KIF23: variants seen among roughly 807,000 people sequenced by gnomAD.
The protein encoded by KIF23 is kinesin-like protein KIF23.
A neutral mutation model predicts 137.5 loss-of-function variants in KIF23; 30 were observed. The observed-to-expected ratio is 0.22, with a 90% confidence interval of 0.16 to 0.30. The LOEUF (loss-of-function observed/expected upper bound fraction) is 0.30. Among genes scored for constraint, KIF23 ranks in the 10% least tolerant of loss-of-function variants. The probability of loss-of-function intolerance (pLI) is 1.00; values close to 1 mark genes in which losing one functional copy is unlikely to be tolerated. For missense variants in KIF23, 920 were observed against 1,194.3 expected, an observed-to-expected ratio of 0.77 and a Z score of 3.38; for synonymous variants, 367 against 391.1, an observed-to-expected ratio of 0.94 and a Z score of 0.73.
At chr15:69,435,008 C>T in intron 11 of KIF23, 2 of 601,736 alleles carry the variant, frequency 3.3e-6, no homozygotes, top group Non-Finnish European at 5.9e-6. Context: ...CGGACTCGCT[C>T]AACACCGCGT....
rs551411066 is a variant in KIF23, at chr15:69,445,112, C to T, written c.2673+71C>T. On this transcript the variant is annotated intron_variant, in intron 20 of 23. Coordinates refer to ENST00000679126, the MANE Select transcript of KIF23 (RefSeq NM_001367805.3). ...CAACAAAAGTCCATTTGTCCTGCTA[C>T]TCCTTTGGTGACACACAGGTAGTGT... The T allele has an allele frequency of 1.0e-4, 144 of 1,403,022 alleles. 1 individual carries two copies. In the South Asian group the frequency reaches 1.9e-3, roughly 18 times the overall value. 86.9% of individuals were successfully genotyped at this position (1,403,022 alleles called of 1,614,324 possible).
chr15:69,446,261 C>A, intron 21 of KIF23, 22 bp from the exon 22 acceptor site: 1 of 1,601,986 alleles, frequency 6.2e-7, no homozygotes, highest in Non-Finnish European at 8.6e-7. Flanking sequence ...ATAATTGTTG[C>A]ATCATGTTTC....
chr15:69,414,440 G>A lies in KIF23; in HGVS notation c.-26G>A, dbSNP rs1171400813. The A allele has an allele frequency of 2.5e-6, 4 of 1,583,372 alleles. No homozygotes were observed. The highest frequency in any genetic ancestry group is 3.6e-5 in the Admixed American group (2 of 55,844). ...CGCCAGCCAGCCGTCCCGCATGCGC[G>A]TTTGGGCGGCGTGGAGCCTGCTGCC... On this transcript the variant is annotated 5_prime_UTR_variant, in exon 1 of 24. Coordinates refer to ENST00000679126, the MANE Select transcript of KIF23 (RefSeq NM_001367805.3).
chr15:69,424,248 A>T (rs912896573), intron 7 of KIF23, among the ~76,000 whole-genome samples: 2 of 152,168 alleles, frequency 1.3e-5, no homozygotes, highest in Non-Finnish European at 2.9e-5. Context: ...AGTTATCTTC[A>T]CCAGAGTCCT....
rs566508814 is a variant in KIF23 at position 69,416,044 on chromosome 15, A to G, written c.62A>G (p.Asn21Ser). The part of the protein sequence containing the change: ...KPTVKKGSQT[N>S]LKDPVGVYCR... ...ACCGTGAAAAAAGGGTCCCAAACGA[A>G]CCTTAAAGACCCAGTTGGGGTAAGG... The change falls in exon 2 of 24, where the codon AAC (asparagine) becomes AGC (serine). Residue 21 changes from asparagine to serine, a missense_variant. This residue lies in a region of KIF23 where 124 missense variants were observed against 122.0 expected (regional missense o/e 1.02). Transcript: ENST00000679126. 5 of 1,575,560 alleles carry G rather than the reference A, an allele frequency of 3.2e-6. No individual in the cohort carries two copies. In the South Asian group the frequency reaches 3.6e-5, roughly 11 times the overall value.
chr15:69,435,915 C>T, intron 13 of KIF23, 144 bp downstream of exon 13: 1 of 1,243,160 alleles, frequency 8.0e-7, no homozygotes, highest in Non-Finnish European at 1.1e-6. Context: ...GGTGTGGTGG[C>T]TTATGCTTAT....
intron 7 of KIF23, among the ~76,000 whole-genome samples, chr15:69,423,554 A>C (rs2057115187): frequency 6.6e-6 from 1 of 152,232 alleles, no homozygotes; most frequent in African/African-American, 2.4e-5. Context: ...TCTAAGGAGA[A>C]GAGGGACCCA....
In KIF23 at chr15:69,440,836, G is replaced by A; in HGVS notation, c.2178G>A (p.Arg726=). The A allele has an allele frequency of 6.2e-7, 1 of 1,613,794 alleles. No homozygotes were observed. The highest frequency in any genetic ancestry group is 8.5e-7 in the Non-Finnish European group (1 of 1,180,026). ...TCATGAGCCAGCCACAGCTACATAG[G>A]CGCTCTAACTCTTGCAGCAGCATTT... The part of the protein sequence containing the change: ...QQLMSQPQLH[R]RSNSCSSISV... Residue 726 remains arginine, a synonymous_variant, in exon 19 of 24, where the codon AGG becomes AGA. Coordinates refer to ENST00000679126, the MANE Select transcript of KIF23 (RefSeq NM_001367805.3).
rs3759824 is a variant in KIF23 at position 69,417,152 on chromosome 15, T to G, written c.82-231T>G. On this transcript the variant is annotated intron_variant, in intron 2 of 23. Transcript: ENST00000679126. ...AGTGAATACACTGCAATTTGATTTT[T>G]ATTAAAATTTATTTTAATTTTGTGT... Among the ~76,000 whole-genome samples, 92 of 152,336 alleles carry G rather than the reference T, an allele frequency of 6.0e-4. No homozygotes were observed. The East Asian group carries it at 0.016, about 27-fold the overall frequency.
intron 11 of KIF23, among the ~76,000 whole-genome samples, chr15:69,432,487 C>G (rs1041570756): frequency 1.3e-5 from 2 of 151,904 alleles, no homozygotes; most frequent in Non-Finnish European, 2.9e-5. Flanking sequence ...GCCTCTCCCT[C>G]TGTTTACCAT....
chr15:69,425,470 T>C (rs2140337361), intron 8 of KIF23, 147 bp downstream of exon 8: 1 of 678,346 alleles, frequency 1.5e-6, no homozygotes, highest in Admixed American at 2.5e-5. Context: ...CTGAAAAATC[T>C]GCTATTGACT....
intron 19 of KIF23, among the ~76,000 whole-genome samples, chr15:69,443,325 GGTT>G (rs2057666701): frequency 1.7e-5 from 2 of 120,046 alleles, no homozygotes; most frequent in Non-Finnish European, 3.4e-5. Context: ...TTGTTTTTTG[GGTT>G]TTTTTTTTTT....
chr15:69,434,805 C>T, intron 11 of KIF23: 1 of 1,012,712 alleles, frequency 9.9e-7, no homozygotes, highest in Non-Finnish European at 1.5e-6. Context: ...CTTCTTCTTG[C>T]ACTCATCCTG....
intron 3 of KIF23, among the ~76,000 whole-genome samples, chr15:69,419,385 C>T (rs2056995839): frequency 6.6e-6 from 1 of 152,242 alleles, no homozygotes; most frequent in Non-Finnish European, 1.5e-5. Context: ...AATCCTGCTT[C>T]ATCCGTCTCC....
intron 2 of KIF23, 119 bp from the exon 3 acceptor site, chr15:69,417,264 C>T (rs1440319483): frequency 5.5e-6 from 5 of 909,216 alleles, no homozygotes; most frequent in Non-Finnish European, 7.9e-6. Context: ...CTTGGAGATA[C>T]AGAGCTCTTA....
At chr15:69,442,035 T>G (rs1025303440) in intron 19 of KIF23, among the ~76,000 whole-genome samples, 9 of 152,184 alleles carry the variant, frequency 5.9e-5, no homozygotes, top group African/African-American at 2.2e-4. Context: ...GTGCTGAGAT[T>G]ACAGGCAAGC....
chr15:69,434,824 T>C (rs2057435478), intron 11 of KIF23: 7 of 948,658 alleles, frequency 7.4e-6, no homozygotes, highest in African/African-American at 1.6e-5. Flanking sequence ...TGCACGTCCC[T>C]GGCAGTAATG....
chr15:69,437,887 A>G lies in KIF23; in HGVS notation c.1598-361A>G, dbSNP rs560261525. ...TAATTAACTCGCCTAAGTCATAACTAGTAAGTGATGTTCCAAGGATTTCAG... is the reference window on the plus strand; with the variant it reads ...TAATTAACTCGCCTAAGTCATAACTGGTAAGTGATGTTCCAAGGATTTCAG... On this transcript the variant is annotated intron_variant, in intron 15 of 23. Coordinates refer to ENST00000679126, the MANE Select transcript of KIF23 (RefSeq NM_001367805.3). Among the ~76,000 whole-genome samples, 13 of 152,346 alleles carry G rather than the reference A, an allele frequency of 8.5e-5. No homozygotes were observed. The East Asian group carries it at 2.5e-3, about 29-fold the overall frequency.
In KIF23 at chr15:69,444,753, A is replaced by G. The variant is rs748797682; in HGVS notation, c.2422-37A>G. ...CCAAACCTGCTGCACTTCTAATAAT[A>G]CCCTTAAATTAATTCTGGGTTATGC... On this transcript the variant is annotated intron_variant, in intron 19 of 23. Coordinates refer to ENST00000679126, the MANE Select transcript of KIF23 (RefSeq NM_001367805.3). This position sits in a 1 kb window ranked among gnomAD's most constrained non-coding sequence, Gnocchi z 4.2. 5 of 1,600,872 alleles carry G rather than the reference A, an allele frequency of 3.1e-6. No individual in the cohort carries two copies. The highest frequency in any genetic ancestry group is 4.3e-6 in the Non-Finnish European group (5 of 1,171,626).
Sources: allele counts gnomAD v4.1 joint callset (sites outside exome capture counted in the v4.1 genomes callset), GRCh38; gene constraint gnomAD v4.1.1; regional missense constraint gnomAD v4.1.1; non-coding constraint Gnocchi (gnomAD v3.1); transcripts MANE v1.5; gene names NCBI Gene and HGNC (gene_info 2026-07-23, HGNC 2026-07-21).